GRID2: variants seen among roughly 807,000 people sequenced by gnomAD.
GRID2 encodes glutamate receptor ionotropic, delta-2.
A neutral mutation model predicts 114.8 loss-of-function variants in GRID2; 33 were observed. The ratio of observed to expected loss-of-function variants is 0.29; its 90% CI spans 0.22 to 0.38. The LOEUF (loss-of-function observed/expected upper bound fraction) is 0.38, where lower values mean the gene tolerates loss of function less well. Ranked by LOEUF, GRID2 falls within the 10% of genes least tolerant of loss-of-function variation. GRID2 has a pLI of 1.00. For missense variants in GRID2, 1,184 were observed against 1,257.7 expected (o/e 0.94, Z 0.89); for synonymous variants, 505 against 449.9 (o/e 1.12, Z -1.55).
chr4:92,562,089 A>G lies in GRID2; in HGVS notation c.89-28042A>G, dbSNP rs1298956401. ...AAAGTTTGGATTGTGGTTTTGAAAG[A>G]TGATTACTTTTGGTTTTGAATTCAT... On this transcript the variant is annotated intron_variant, in intron 1 of 15. Transcript: ENST00000282020. Among the ~76,000 whole-genome samples the G allele has an allele frequency of 3.9e-5, 6 of 152,192 alleles. No individual in the cohort carries two copies. The East Asian group carries it at 1.2e-3, about 29-fold the overall frequency.
intron 4 of GRID2, among the ~76,000 whole-genome samples, chr4:93,138,100 G>A (rs957110445): frequency 6.8e-6 from 1 of 147,156 alleles, no homozygotes; most frequent in Non-Finnish European, 1.5e-5. Context: ...AGCCCCCCAA[G>A]TAACTGAGGC....
chr4:93,287,161 T>C (rs938645787), intron 8 of GRID2, among the ~76,000 whole-genome samples: 7 of 152,136 alleles, frequency 4.6e-5, no homozygotes, highest in African/African-American at 1.7e-4. Flanking sequence ...ACCAAGTAAT[T>C]GATTAAGTTG....
intron 1 of GRID2, among the ~76,000 whole-genome samples, chr4:92,477,153 A>C (rs918326637): frequency 1.3e-5 from 2 of 150,192 alleles, no homozygotes; most frequent in African/African-American, 4.9e-5. Flanking sequence ...AGAATGGAAG[A>C]ATATTTTTGT....
At chr4:93,347,347 C>A (rs370629703) in intron 8 of GRID2, among the ~76,000 whole-genome samples, 8 of 151,984 alleles carry the variant, frequency 5.3e-5, no homozygotes, top group African/African-American at 1.9e-4. Context: ...TTCCTTCAAA[C>A]ACATTTAATT....
intron 8 of GRID2, among the ~76,000 whole-genome samples, chr4:93,366,985 T>C (rs1167919396): frequency 4.6e-5 from 7 of 151,944 alleles, no homozygotes; most frequent in Non-Finnish European, 4.4e-5. Flanking sequence ...CTCAAAGGAA[T>C]TATACAACAT....
At chr4:92,633,385 C>T (rs1730905691) in intron 2 of GRID2, among the ~76,000 whole-genome samples, 1 of 152,002 alleles carries the variant, frequency 6.6e-6, no homozygotes, top group African/African-American at 2.4e-5. Flanking sequence ...CATTTTAGAA[C>T]TCCTGGGAGA....
intron 1 of GRID2, among the ~76,000 whole-genome samples, chr4:92,548,887 A>C (rs1579563112): frequency 6.6e-6 from 1 of 151,992 alleles, no homozygotes. Flanking sequence ...GGTACCACAC[A>C]CTTTTAAACA....
At chr4:92,803,123 C>T (rs1740252558) in intron 2 of GRID2, among the ~76,000 whole-genome samples, 1 of 151,666 alleles carries the variant, frequency 6.6e-6, no homozygotes, top group Non-Finnish European at 1.5e-5. Flanking sequence ...TCTTTTGGTG[C>T]TAATTTCCTC....
chr4:92,539,290 A>G (rs1725810174), intron 1 of GRID2, among the ~76,000 whole-genome samples: 1 of 152,152 alleles, frequency 6.6e-6, no homozygotes, highest in Non-Finnish European at 1.5e-5. Context: ...TTAAATTTAC[A>G]CAGAGAAACA....
At chr4:93,705,860 G>T (rs1484163481) in intron 14 of GRID2, among the ~76,000 whole-genome samples, 1 of 152,102 alleles carries the variant, frequency 6.6e-6, no homozygotes, top group Non-Finnish European at 1.5e-5. Context: ...TTTTGCATAT[G>T]GTCAGAGATA....
chr4:93,073,143 A>G (rs1239176340), intron 2 of GRID2, among the ~76,000 whole-genome samples: 1 of 152,186 alleles, frequency 6.6e-6, no homozygotes, highest in African/African-American at 2.4e-5. Context: ...CTTGGATAAT[A>G]CCATGGGACC....
intron 1 of GRID2, among the ~76,000 whole-genome samples, chr4:92,570,961 T>G (rs1727582851): frequency 6.6e-6 from 1 of 152,100 alleles, no homozygotes; most frequent in African/African-American, 2.4e-5. Context: ...CTGATTGCCC[T>G]GGCTAGAACT....
rs193271267 is a variant in GRID2, at chr4:93,006,088, C to T, written c.245-78907C>T. Among the ~76,000 whole-genome samples the T allele has an allele frequency of 2.0e-5, 3 of 152,084 alleles. No homozygotes were observed. The East Asian group carries it at 5.8e-4, about 29-fold the overall frequency. ...GTCTTAAAATATCACCTCTCACAAA[C>T]ACCTTCCCTTCCACTCTATCCAAGT... is the stretch of plus-strand genomic sequence containing the variant. On this transcript the variant is annotated intron_variant, in intron 2 of 15. Transcript: ENST00000282020.
At chr4:93,777,745 C>T, downstream of GRID2, among the ~76,000 whole-genome samples, 1 of 152,188 alleles carries the variant, frequency 6.6e-6, no homozygotes, top group Non-Finnish European at 1.5e-5. Flanking sequence ...ACATATGTCA[C>T]AAAAACAAAG....
intron 1 of GRID2, among the ~76,000 whole-genome samples, chr4:92,451,876 G>T (rs1440548797): frequency 6.6e-6 from 1 of 152,088 alleles, no homozygotes; most frequent in Non-Finnish European, 1.5e-5. Context: ...CTTTGGGAGG[G>T]TCACAAGATA....
chr4:93,453,313 GGAAAGAGAGA>G (rs1441758531), intron 10 of GRID2, among the ~76,000 whole-genome samples: 10 of 98,562 alleles, frequency 1.0e-4, no homozygotes, highest in African/African-American at 4.0e-4. Context: ...CTCAGAGATG[GGAAAGAGAGA>G]GAGAGAGAGA....
At chr4:93,145,503 C>T (rs1450083922) in intron 4 of GRID2, among the ~76,000 whole-genome samples, 2 of 147,236 alleles carry the variant, frequency 1.4e-5, no homozygotes, top group African/African-American at 2.5e-5. Context: ...CTCTTGTCAC[C>T]CAAGCTGGAT....
intron 2 of GRID2, among the ~76,000 whole-genome samples, chr4:92,963,110 T>A (rs941045322): frequency 6.6e-6 from 1 of 152,012 alleles, no homozygotes; most frequent in Admixed American, 6.6e-5. Context: ...ATGCTAACAA[T>A]CTTCTGGGCC....
chr4:92,959,448 A>G (rs1447113278), intron 2 of GRID2, among the ~76,000 whole-genome samples: 1 of 151,474 alleles, frequency 6.6e-6, no homozygotes, highest in Non-Finnish European at 1.5e-5. Context: ...TTTGACCTGT[A>G]TGCTATTTAA....
Sources: allele counts gnomAD v4.1 joint callset (sites outside exome capture counted in the v4.1 genomes callset), GRCh38; gene constraint gnomAD v4.1.1; transcripts MANE v1.5; gene names NCBI Gene and HGNC (gene_info 2026-07-23, HGNC 2026-07-21).